Variants in SRPK2 observed in about 807,000 individuals in gnomAD.
SRPK2 encodes SRSF protein kinase 2, also known as SFRS protein kinase 2.
In SRPK2, 21 loss-of-function variants were observed where a neutral mutation model predicts 90.8. The observed-to-expected ratio is 0.23, with a 90% confidence interval of 0.16 to 0.33. SRPK2 has a LOEUF of 0.33. Among genes scored for constraint, SRPK2 ranks in the 10% least tolerant of loss-of-function variants. The pLI is 1.00. For synonymous variants in SRPK2, 288 were observed against 311.1 expected, an observed-to-expected ratio of 0.93 and a Z score of 0.78; for missense variants, 620 against 869.0, an observed-to-expected ratio of 0.71 and a Z score of 3.60.
At chr7:105,233,908 G>C (rs1162798158) in intron 2 of SRPK2, among the ~76,000 whole-genome samples, 2 of 151,894 alleles carry the variant, frequency 1.3e-5, no homozygotes, top group African/African-American at 4.8e-5. Context: ...TATTTTTTTG[G>C]AAACTATTAC....
chr7:105,351,510 AATAAATC>A (rs1309124017), intron 2 of SRPK2, among the ~76,000 whole-genome samples: 1 of 139,338 alleles, frequency 7.2e-6, no homozygotes, highest in Non-Finnish European at 1.6e-5. Flanking sequence ...TAATAATAAT[AATAAATC>A]ACCGGCCGGG....
At chr7:105,254,002 C>T (rs962439528) in intron 2 of SRPK2, among the ~76,000 whole-genome samples, 7 of 152,156 alleles carry the variant, frequency 4.6e-5, no homozygotes, top group East Asian at 1.9e-4. Flanking sequence ...GAAATCCTTA[C>T]AAAATTTAGA....
chr7:105,320,000 A>C (rs1812765096), intron 2 of SRPK2, among the ~76,000 whole-genome samples: 1 of 152,052 alleles, frequency 6.6e-6, no homozygotes, highest in African/African-American at 2.4e-5. Context: ...AATTCAGCTG[A>C]AGTTTTTCTG....
At chr7:105,212,727 T>G (rs552369078) in intron 2 of SRPK2, among the ~76,000 whole-genome samples, 1 of 151,950 alleles carries the variant, frequency 6.6e-6, no homozygotes, top group South Asian at 2.1e-4. Flanking sequence ...AGAAAGAAAA[T>G]TCATGGGAAA....
At chr7:105,221,455 A>G (rs1486965981) in intron 2 of SRPK2, among the ~76,000 whole-genome samples, 1 of 152,184 alleles carries the variant, frequency 6.6e-6, no homozygotes, top group East Asian at 1.9e-4. Flanking sequence ...ACAAGAATCT[A>G]CACTGCCTGA....
intron 2 of SRPK2, among the ~76,000 whole-genome samples, chr7:105,303,117 T>C (rs1458821934): frequency 1.3e-5 from 2 of 151,884 alleles, no homozygotes; most frequent in Admixed American, 6.6e-5. Context: ...ATATACACCA[T>C]GGAATACTAT....
At chr7:105,139,171 G>T (rs975276907) in intron 11 of SRPK2, among the ~76,000 whole-genome samples, 3 of 152,186 alleles carry the variant, frequency 2.0e-5, no homozygotes, top group African/African-American at 7.2e-5. Context: ...ACTGTGAGCA[G>T]GGGAATACAC....
chr7:105,159,448 C>CAAAAAAAAAAAAAAAAAAAAAAAAAA lies in SRPK2; in HGVS notation c.621+1058_621+1059insTTTTTTTTTTTTTTTTTTTTTTTTTT, dbSNP rs765544583. ...GGGTGACAGAGCGAGACTCCGTCTC[C>CAAAAAAAAAAAAAAAAAAAAAAAAAA]AAAAAAAAAAAAAAAAAAAAAAAAA... On this transcript the variant is annotated intron_variant, in intron 7 of 15. Coordinates refer to ENST00000393651, the MANE Select transcript of SRPK2 (RefSeq NM_182692.3). 1.8e-4 allele frequency among the ~76,000 whole-genome samples: 6 copies of CAAAAAAAAAAAAAAAAAAAAAAAAAA among 33,138 alleles called. 1 individual carries two copies. Among genetic ancestry groups the CAAAAAAAAAAAAAAAAAAAAAAAAAA allele is most frequent in the Non-Finnish European group, 3.8e-4 (6 of 15,906 alleles). The allele number at this position is 33,138 out of a possible 152,430, so 21.7% of individuals were successfully genotyped here.
At chr7:105,142,962 T>C (rs1472839817) in intron 10 of SRPK2, 122 bp downstream of exon 10, 15 of 1,310,076 alleles carry the variant, frequency 1.1e-5, no homozygotes, top group Non-Finnish European at 1.6e-5. Context: ...AATAGGGAGT[T>C]GGAGAGAATC....
chr7:105,168,129 C>A (rs112302664), intron 4 of SRPK2, 34 bp from the exon 5 acceptor site: 3 of 1,513,120 alleles, frequency 2.0e-6, no homozygotes, highest in African/African-American at 1.4e-5. Context: ...GTCTATTTAT[C>A]TATATTATCA....
chr7:105,288,251 C>G (rs762748276), intron 2 of SRPK2, among the ~76,000 whole-genome samples: 3 of 152,110 alleles, frequency 2.0e-5, no homozygotes, highest in Non-Finnish European at 4.4e-5. Context: ...TACAACATAA[C>G]AAAATTGCTA....
intron 2 of SRPK2, among the ~76,000 whole-genome samples, chr7:105,340,686 T>C (rs1121194): frequency 0.62 from 94,931 of 151,954 alleles, 30,375 homozygotes; most frequent in South Asian, 0.77. Flanking sequence ...TCGAACGATC[T>C]TCCTGCCTCA....
intron 2 of SRPK2, among the ~76,000 whole-genome samples, chr7:105,324,657 C>A (rs546196387): frequency 6.6e-6 from 1 of 152,214 alleles, no homozygotes; most frequent in South Asian, 2.1e-4. Flanking sequence ...GAGTCCGAGG[C>A]GGGTGGATCA....
At chr7:105,300,686 A>G (rs1434737462) in intron 2 of SRPK2, among the ~76,000 whole-genome samples, 1 of 151,528 alleles carries the variant, frequency 6.6e-6, no homozygotes, top group African/African-American at 2.4e-5. Context: ...TCAAACAACC[A>G]CATCAAAAAG....
intron 2 of SRPK2, among the ~76,000 whole-genome samples, chr7:105,369,757 G>A (rs1819493759): frequency 6.6e-6 from 1 of 152,200 alleles, no homozygotes; most frequent in South Asian, 2.1e-4. Flanking sequence ...GCCGGGCACA[G>A]TGGCTCACCC....
chr7:105,375,588 G>T (rs1342802475), intron 2 of SRPK2, among the ~76,000 whole-genome samples: 1 of 152,158 alleles, frequency 6.6e-6, no homozygotes. Flanking sequence ...CAAGGACAGA[G>T]AAGTCAACAC....
chr7:105,326,027 C>G (rs1168662402), intron 2 of SRPK2, among the ~76,000 whole-genome samples: 1 of 152,218 alleles, frequency 6.6e-6, no homozygotes, highest in East Asian at 1.9e-4. Context: ...CTACCGCACA[C>G]GGGGACACGG....
rs79433026 is a variant in SRPK2, at chr7:105,151,419, C to T, written c.622-4761G>A. Among the ~76,000 whole-genome samples, 474 of 152,244 alleles carry T rather than the reference C, an allele frequency of 3.1e-3. 14 individuals are homozygous for T. The East Asian group carries it at 0.062, about 20-fold the overall frequency. On this transcript the variant is annotated intron_variant, in intron 7 of 15. Coordinates refer to ENST00000393651, the MANE Select transcript of SRPK2 (RefSeq NM_182692.3). Reference sequence around the variant, plus strand: ...AGCAATAAGCTTTAGAAATAATCTACGGAAAACTCACAAAAACAAAGTCTA... The same window carrying T: ...AGCAATAAGCTTTAGAAATAATCTATGGAAAACTCACAAAAACAAAGTCTA...
At chr7:105,229,835 C>A (rs775916108) in intron 2 of SRPK2, among the ~76,000 whole-genome samples, 26 of 152,180 alleles carry the variant, frequency 1.7e-4, no homozygotes, top group Non-Finnish European at 3.5e-4. Flanking sequence ...GGGATAAAAT[C>A]AACAGCGAAG....
Sources: allele counts gnomAD v4.1 joint callset (sites outside exome capture counted in the v4.1 genomes callset), GRCh38; gene constraint gnomAD v4.1.1; transcripts MANE v1.5; gene names NCBI Gene and HGNC (gene_info 2026-07-23, HGNC 2026-07-21).